The following MGRN1 variants were observed in gnomAD, a reference collection of about 807,000 sequenced individuals.
The protein encoded by MGRN1 is E3 ubiquitin-protein ligase MGRN1.
In MGRN1, 29 loss-of-function variants were observed where a neutral mutation model predicts 69.2. The observed-to-expected ratio is 0.42, with a 90% CI of 0.31 to 0.57. MGRN1 has a LOEUF of 0.57. Ranked by LOEUF, MGRN1 falls within the 20% of genes least tolerant of loss-of-function variation. The pLI is 0.15. For synonymous variants in MGRN1, 470 were observed against 344.2 expected (o/e 1.37, Z -4.04); for missense variants, 998 against 796.2 (o/e 1.25, Z -3.05).
intron 10 of MGRN1, among the ~76,000 whole-genome samples, chr16:4,676,007 A>G (rs1684605): frequency 0.56 from 85,794 of 152,128 alleles, 24,586 homozygotes; most frequent in East Asian, 0.66. Context: ...GGGCCGGAGC[A>G]TAGTTGGGGA....
rs755495002 is a variant in MGRN1 at position 4,671,311 on chromosome 16, C to G, written c.727-80C>G. The G allele has an allele frequency of 2.2e-5, 31 of 1,393,112 alleles. No individual in the cohort carries two copies. The South Asian group carries it at 3.2e-4, about 15-fold the overall frequency. The allele number at this position is 1,393,112 out of a possible 1,614,324, so 86.3% of individuals were successfully genotyped here. On this transcript the variant is annotated intron_variant, in intron 8 of 16. Coordinates refer to ENST00000262370, the MANE Select transcript of MGRN1 (RefSeq NM_015246.4). ...GTATGGAAGCCTGGTAAGTTGGAGGCAGGGCTAGGCCAGGTGGGTATGGAG... is the reference window on the plus strand; with the variant it reads ...GTATGGAAGCCTGGTAAGTTGGAGGGAGGGCTAGGCCAGGTGGGTATGGAG...
At chr16:4,625,151 C>T (rs1471270360) in intron 1 of MGRN1, 103 bp downstream of exon 1, 1 of 1,112,616 alleles carries the variant, frequency 9.0e-7, no homozygotes, top group Non-Finnish European at 1.2e-6. Flanking sequence ...GCTCGGCCCC[C>T]TCCGGGCCTC....
chr16:4,625,816 C>T (rs1897649950), intron 1 of MGRN1, among the ~76,000 whole-genome samples: 1 of 152,214 alleles, frequency 6.6e-6, no homozygotes, highest in Non-Finnish European at 1.5e-5. Context: ...AAGTCTCACC[C>T]TCCATCTCCT....
At chr16:4,682,693 C>T in intron 13 of MGRN1, 130 bp from the exon 14 acceptor site, 6 of 1,114,924 alleles carry the variant, frequency 5.4e-6, no homozygotes, top group Non-Finnish European at 6.0e-6. Context: ...TGCCCTTCTC[C>T]AGGGAGTGTC....
chr16:4,665,068 G>A (rs774684254), intron 6 of MGRN1, 34 bp from the exon 7 acceptor site: 27 of 1,613,730 alleles, frequency 1.7e-5, no homozygotes, highest in East Asian at 2.2e-5. Flanking sequence ...GGCAGGCCCC[G>A]ACTCTGACTA....
rs1216373428 is a variant in MGRN1 at position 4,688,870 on chromosome 16, A to T, written c.1693A>T (p.Ser565Cys). Residue 565 changes from serine (S) to cysteine (C), a missense_variant, in exon 17 of 17, where the codon AGC (serine) becomes TGC (cysteine). Physicochemically the swap from Ser to Cys is moderately radical, Grantham distance 112. Transcript: ENST00000262370. ...CACCTGGCCTCCACTTGGTGGCCCC[A>T]GCCCCGATCCCAGCGCCGCCGAGCT... is the stretch of plus-strand genomic sequence containing the variant. ...SPTWPPLGGPSPDPSAAELTP... is the reference protein window; with the variant it reads ...SPTWPPLGGPCPDPSAAELTP... The T allele has an allele frequency of 6.4e-7, 1 of 1,553,812 alleles. No homozygotes were observed. Among genetic ancestry groups the T allele is most frequent in the South Asian group, 1.2e-5 (1 of 84,550 alleles).
intron 1 of MGRN1, among the ~76,000 whole-genome samples, chr16:4,639,463 C>CCTTCACCATTGGGCATCATT (rs2078109953): frequency 1.3e-5 from 2 of 152,264 alleles, no homozygotes; most frequent in South Asian, 4.1e-4. Flanking sequence ...GGTGCAGCAA[C>CCTTCACCATTGGGCATCATT]CTTCACCATT....
intron 1 of MGRN1, among the ~76,000 whole-genome samples, chr16:4,645,166 G>T (rs2078248317): frequency 6.7e-6 from 1 of 148,376 alleles, no homozygotes; most frequent in Non-Finnish European, 1.5e-5. Context: ...GTGGTGGTGG[G>T]GGGACGGGAA....
intron 1 of MGRN1, among the ~76,000 whole-genome samples, chr16:4,630,324 C>A (rs1429852557): frequency 2.7e-5 from 4 of 146,788 alleles, no homozygotes; most frequent in Admixed American, 1.4e-4. Context: ...CACTGCACTC[C>A]AGCCTGAGCG....
rs1278658226 is a variant in MGRN1, at chr16:4,652,729, G to A, written c.348G>A (p.Val116=). The part of the protein sequence containing the change: ...SPTEDGDKPR[V]LYSLEFTFDA... Reference sequence around the variant, plus strand: ...CCGAGGACGGCGACAAGCCCCGGGTGCTCTACAGCCTGGAGTTCACCTTCG... The same window carrying A: ...CCGAGGACGGCGACAAGCCCCGGGTACTCTACAGCCTGGAGTTCACCTTCG... The change falls in exon 4 of 17, where the codon GTG becomes GTA. Residue 116 remains valine, a synonymous_variant. Coordinates refer to ENST00000262370, the MANE Select transcript of MGRN1 (RefSeq NM_015246.4). 2 of 1,613,054 alleles carry A rather than the reference G, an allele frequency of 1.2e-6. No individual in the cohort carries two copies. Among genetic ancestry groups the A allele is most frequent in the African/African-American group, 2.7e-5 (2 of 74,896 alleles).
At chr16:4,642,609 C>G (rs1249302165) in intron 1 of MGRN1, among the ~76,000 whole-genome samples, 1 of 151,936 alleles carries the variant, frequency 6.6e-6, no homozygotes, top group African/African-American at 2.4e-5. Flanking sequence ...CAGGCGTGAG[C>G]CACCGCACCC....
chr16:4,651,980 T>G lies in MGRN1; in HGVS notation c.225T>G (p.Pro75=). 6.2e-7 allele frequency: 1 copy of G among 1,613,930 alleles called. No homozygotes were observed. The highest frequency in any genetic ancestry group is 1.7e-4 in the Middle Eastern group (1 of 6,058). ...TCTCCTAGTTTCCCTACGTCACTCC[T>G]GCCCCCCACGAGCCCGTGAAGACGC... is the stretch of plus-strand genomic sequence containing the variant. The part of the protein sequence containing the change: ...SRPVQFPYVT[P]APHEPVKTLR... Residue 75 remains proline, a synonymous_variant, in exon 3 of 17, where the codon CCT becomes CCG. Transcript: ENST00000262370.
chr16:4,637,011 T>C (rs977769865), intron 1 of MGRN1, among the ~76,000 whole-genome samples: 3 of 147,978 alleles, frequency 2.0e-5, no homozygotes, highest in South Asian at 4.3e-4. Flanking sequence ...CCCAGCTACT[T>C]GGGAGGCTGA....
chr16:4,629,062 C>T (rs964864729), intron 1 of MGRN1, among the ~76,000 whole-genome samples: 1 of 152,004 alleles, frequency 6.6e-6, no homozygotes, highest in African/African-American at 2.4e-5. Flanking sequence ...GTTTCGAACT[C>T]CCGACCTCAG....
chr16:4,649,643 T>G (rs1288255297), intron 1 of MGRN1: 2 of 152,410 alleles, frequency 1.3e-5, no homozygotes, highest in South Asian at 4.1e-4. Context: ...TTAACTTGAT[T>G]ACATCTGCAA....
At chr16:4,640,110 C>T (rs559089204) in intron 1 of MGRN1, 1 of 152,308 alleles carries the variant, frequency 6.6e-6, no homozygotes, top group African/African-American at 2.4e-5. Context: ...CCCTGTTTTC[C>T]TCTCGCAGAT....
At chr16:4,641,204 T>C (rs566720092) in intron 1 of MGRN1, among the ~76,000 whole-genome samples, 126 of 152,346 alleles carry the variant, frequency 8.3e-4, no homozygotes, top group African/African-American at 2.8e-3. Flanking sequence ...TGTGTCATTC[T>C]TCTTGAGGCA....
chr16:4,664,749 T>C lies in MGRN1; in HGVS notation c.602T>C (p.Ile201Thr). 6.2e-7 allele frequency: 1 copy of C among 1,614,210 alleles called. No individual in the cohort carries two copies. The highest frequency in any genetic ancestry group is 8.5e-7 in the Non-Finnish European group (1 of 1,180,034). The change falls in exon 6 of 17, where the codon ATC (isoleucine) becomes ACC (threonine). Residue 201 changes from isoleucine to threonine, a missense_variant. Transcript: ENST00000262370. ...DLDRGVFPVV[I>T]QAVVDEGDVV... ...GACCGGGGCGTGTTTCCAGTAGTCA[T>C]CCAGGCTGTGGTGGACGAAGGAGAT...
At chr16:4,683,125 G>A in intron 14 of MGRN1, 99 bp from the exon 15 acceptor site, 2 of 1,542,676 alleles carry the variant, frequency 1.3e-6, no homozygotes, top group Middle Eastern at 1.7e-4. Flanking sequence ...TGGTGGAGCG[G>A]CTGTGCGGTC....
Sources: allele counts gnomAD v4.1 joint callset (sites outside exome capture counted in the v4.1 genomes callset), GRCh38; gene constraint gnomAD v4.1.1; transcripts MANE v1.5; gene names NCBI Gene and HGNC (gene_info 2026-07-23, HGNC 2026-07-21).